The following NBAS variants were observed in gnomAD, a reference collection of about 807,000 sequenced individuals.
NBAS encodes NAG/BC035112 fusion.
In NBAS, 219 loss-of-function variants were observed where a neutral mutation model predicts 302.5. The ratio of observed to expected loss-of-function variants is 0.72; its 90% confidence interval spans 0.65 to 0.81. The LOEUF is 0.81. NBAS is among the 30% of genes least tolerant of loss of function. NBAS has a pLI of 0.00. For missense variants in NBAS, 2,932 were observed against 2,841.6 expected, an observed-to-expected ratio of 1.03 and a Z score of -0.72; for synonymous variants, 1,118 against 1,021.6, an observed-to-expected ratio of 1.09 and a Z score of -1.80.
chr2:15,541,301 A>C (rs1044262452), intron 6 of NBAS, among the ~76,000 whole-genome samples: 2 of 152,214 alleles, frequency 1.3e-5, no homozygotes, highest in African/African-American at 2.4e-5. Context: ...AAAGTGATTA[A>C]TGTTTCACTA....
At chr2:15,060,475 T>G in the NBAS span, among the ~76,000 whole-genome samples, 5 of 152,242 alleles carry the variant, frequency 3.3e-5, no homozygotes, top group South Asian at 1.0e-3. Context: ...ACACAGGGCA[T>G]GCTGAGCCCC....
chr2:15,186,766 G>A lies in NBAS; in HGVS notation c.6687C>T (p.Asn2229=). Reference sequence around the variant, plus strand: ...CCTCTGCAGGCAGCATCTGCTTGGTGTTATACAAAGAGCGACACATTTTCA... The same window carrying A: ...CCTCTGCAGGCAGCATCTGCTTGGTATTATACAAAGAGCGACACATTTTCA... The part of the protein sequence containing the change: ...EVLKMCRSLY[N]TKQMLPAEGV... Residue 2229 remains asparagine, a synonymous_variant, in exon 50 of 52, where the codon AAC becomes AAT. Coordinates refer to ENST00000281513, the MANE Select transcript of NBAS (RefSeq NM_015909.4). 1.2e-6 allele frequency: 2 copies of A among 1,613,814 alleles called. No homozygotes were observed. The highest frequency in any genetic ancestry group is 1.7e-6 in the Non-Finnish European group (2 of 1,179,948).
chr2:15,071,826 T>G, the NBAS span, among the ~76,000 whole-genome samples: 1 of 152,226 alleles, frequency 6.6e-6, no homozygotes, highest in African/African-American at 2.4e-5. Context: ...CTCATCCTCC[T>G]GCTTCTGAAG....
chr2:14,938,719 A>G, the NBAS span, among the ~76,000 whole-genome samples: 1 of 152,190 alleles, frequency 6.6e-6, no homozygotes, highest in African/African-American at 2.4e-5. Context: ...TTTTCATACA[A>G]CTATAAACAC....
At chr2:14,983,399 GTGTA>G in the NBAS span, among the ~76,000 whole-genome samples, 2 of 152,210 alleles carry the variant, frequency 1.3e-5, no homozygotes, top group Non-Finnish European at 2.9e-5. Flanking sequence ...TCTCGACTGA[GTGTA>G]TAGGTCCATA....
chr2:15,232,490 A>G lies in NBAS; in HGVS notation c.6168T>C (p.Gly2056=). 1 of 1,613,900 alleles carries G rather than the reference A, an allele frequency of 6.2e-7. No homozygotes were observed. The highest frequency in any genetic ancestry group is 8.5e-7 in the Non-Finnish European group (1 of 1,179,978). ...GGACCTTCAGTGGGTCCCTTGGCCC[A>G]CCAAGGTCAGCACTGCCACCACTGT... The part of the protein sequence containing the change: ...SALSGGSADL[G]GPRDPLKVLE... Residue 2056 remains glycine (G), a synonymous_variant, in exon 47 of 52, where the codon GGT becomes GGC. Coordinates refer to ENST00000281513, the MANE Select transcript of NBAS (RefSeq NM_015909.4).
At chr2:15,529,672 G>C (rs1213551619) in intron 9 of NBAS, among the ~76,000 whole-genome samples, 2 of 152,132 alleles carry the variant, frequency 1.3e-5, no homozygotes, top group African/African-American at 4.8e-5. Flanking sequence ...TGTATATGCA[G>C]TATCAAGGCT....
At chr2:15,505,499 C>T (rs1221420328) in intron 10 of NBAS, among the ~76,000 whole-genome samples, 1 of 152,018 alleles carries the variant, frequency 6.6e-6, no homozygotes, top group East Asian at 1.9e-4. Context: ...AGCAAAGGGG[C>T]AAATGTAGTG....
the NBAS span, among the ~76,000 whole-genome samples, chr2:14,984,870 C>A: frequency 6.6e-6 from 1 of 152,086 alleles, no homozygotes; most frequent in African/African-American, 2.4e-5. Context: ...ACCTGAAAGC[C>A]CCAGCCTGTG....
At chr2:14,994,877 C>T in the NBAS span, among the ~76,000 whole-genome samples, 1 of 152,184 alleles carries the variant, frequency 6.6e-6, no homozygotes, top group East Asian at 1.9e-4. Flanking sequence ...CAGGGAGCTG[C>T]TTTATCACTG....
the NBAS span, among the ~76,000 whole-genome samples, chr2:14,901,412 G>A: frequency 6.7e-6 from 1 of 148,998 alleles, no homozygotes; most frequent in Non-Finnish European, 1.5e-5. Context: ...TTCAGCTAAA[G>A]GCCAAACCAG....
At chr2:15,455,836 T>C (rs1456784692) in intron 21 of NBAS, among the ~76,000 whole-genome samples, 3 of 151,454 alleles carry the variant, frequency 2.0e-5, no homozygotes, top group African/African-American at 7.3e-5. Flanking sequence ...TTTAACCAAA[T>C]TGTATTCATC....
In NBAS at chr2:15,182,622, G is replaced by A. The variant is rs570304242; in HGVS notation, c.6712-3506C>T. ...ACCTTCAGGGTCAGTCACAAATAGC[G>A]GGACCTCGGAATTTTACATCTATAA... On this transcript the variant is annotated intron_variant, in intron 50 of 51. Transcript: ENST00000281513. Among the ~76,000 whole-genome samples the A allele has an allele frequency of 1.7e-4, 26 of 152,240 alleles. No homozygotes were observed. In the East Asian group the frequency reaches 2.5e-3, roughly 15 times the overall value.
intron 48 of NBAS, among the ~76,000 whole-genome samples, chr2:15,197,138 AGT>A (rs1296735351): frequency 6.6e-6 from 1 of 152,198 alleles, no homozygotes; most frequent in Non-Finnish European, 1.5e-5. Flanking sequence ...TGTAGTCAAC[AGT>A]GTTATAAACA....
At chr2:15,115,368 G>A in the NBAS span, among the ~76,000 whole-genome samples, 24 of 152,306 alleles carry the variant, frequency 1.6e-4, no homozygotes, top group African/African-American at 5.8e-4. Flanking sequence ...ACTTAGATTT[G>A]ATTATTTAGG....
chr2:15,554,029 A>G (rs1664520391), intron 4 of NBAS, 32 bp downstream of exon 4: 1 of 1,515,112 alleles, frequency 6.6e-7, no homozygotes, highest in African/African-American at 1.8e-5. Flanking sequence ...GCTAATCCAG[A>G]CAGAAAAACA....
chr2:15,210,156 A>G (rs1219870896), intron 48 of NBAS, among the ~76,000 whole-genome samples: 3 of 152,128 alleles, frequency 2.0e-5, no homozygotes, highest in Non-Finnish European at 2.9e-5. Context: ...CTTCTGCACA[A>G]CAAAGGAAAC....
chr2:15,269,452 A>G (rs552300635), intron 44 of NBAS, among the ~76,000 whole-genome samples: 1 of 152,290 alleles, frequency 6.6e-6, no homozygotes, highest in East Asian at 1.9e-4. Flanking sequence ...TTTTCTTCCA[A>G]GTGAACAAAG....
chr2:14,969,836 G>A, the NBAS span, among the ~76,000 whole-genome samples: 1 of 152,062 alleles, frequency 6.6e-6, no homozygotes. Context: ...AGTGATAAAG[G>A]CTTCGGGTGG....
Sources: gnomAD v4.1 joint callset for allele counts (sites outside exome capture counted in the v4.1 genomes callset) on GRCh38, gnomAD v4.1.1 for gene constraint, MANE v1.5 for transcripts, NCBI Gene and HGNC (gene_info 2026-07-23, HGNC 2026-07-21) for gene names.